FBXL4: variants seen among roughly 807,000 people sequenced by gnomAD.
FBXL4 encodes the protein F-box and leucine rich repeat protein 4.
FBXL4 carries 40 observed loss-of-function variants against 58.9 expected under a neutral mutation model. The observed-to-expected ratio is 0.68, with a 90% CI of 0.53 to 0.88. FBXL4 has a LOEUF of 0.88. Among genes scored for constraint, FBXL4 ranks in the 40% least tolerant of loss-of-function variants. FBXL4 has a pLI of 0.00. For synonymous variants in FBXL4, 263 were observed against 265.5 expected (o/e 0.99, Z 0.09); for missense variants, 676 against 734.4 (o/e 0.92, Z 0.92).
chr6:98,884,875 G>A (rs892368266), intron 7 of FBXL4, among the ~76,000 whole-genome samples: 1 of 152,152 alleles, frequency 6.6e-6, no homozygotes, highest in African/African-American at 2.4e-5. Context: ...AGCGGTTAGA[G>A]TGGTTTGAAA....
chr6:98,905,649 G>A lies in FBXL4; in HGVS notation c.880C>T (p.His294Tyr), dbSNP rs1054028380. 5.0e-6 allele frequency: 8 copies of A among 1,613,494 alleles called. No individual in the cohort carries two copies. The African/African-American group carries it at 1.1e-4, about 22-fold the overall frequency. ...PYELIQLILN[H>Y]LTLPDLCRLA... is the part of the protein sequence containing the mutation. ...CTACACAGGTCTGGTAGTGTAAGAT[G>A]ATTCAGAATCAGCTGAATAAGCTAA... The change falls in exon 6 of 10, where the codon CAT becomes TAT. Residue 294 changes from histidine (H) to tyrosine (Y), a missense_variant. Coordinates refer to ENST00000369244, the MANE Select transcript of FBXL4 (RefSeq NM_001278716.2).
chr6:98,889,826 A>G (rs550610192), intron 7 of FBXL4, among the ~76,000 whole-genome samples: 2 of 152,336 alleles, frequency 1.3e-5, no homozygotes, highest in South Asian at 4.1e-4. Flanking sequence ...TTACTTGTTA[A>G]GAAGAAATTT....
chr6:98,911,401 C>A (rs1429549814), intron 5 of FBXL4, among the ~76,000 whole-genome samples: 1 of 152,178 alleles, frequency 6.6e-6, no homozygotes, highest in East Asian at 1.9e-4. Flanking sequence ...GACCCCTGAC[C>A]CCCAAGCAGC....
intron 4 of FBXL4, among the ~76,000 whole-genome samples, chr6:98,922,267 G>C (rs1159284687): frequency 1.3e-5 from 2 of 152,136 alleles, no homozygotes; most frequent in African/African-American, 4.8e-5. Flanking sequence ...AAGAAATGAG[G>C]AGACTTTAAG....
intron 7 of FBXL4, among the ~76,000 whole-genome samples, chr6:98,887,424 T>C (rs1466509931): frequency 6.6e-6 from 1 of 152,228 alleles, no homozygotes; most frequent in East Asian, 1.9e-4. Context: ...CCTAACAGCA[T>C]ATCCTCCTAA....
chr6:98,899,177 TA>T, intron 7 of FBXL4, 90 bp downstream of exon 7: 1 of 1,537,884 alleles, frequency 6.5e-7, no homozygotes, highest in Non-Finnish European at 8.7e-7. Context: ...GATTTAAAAA[TA>T]AAAAACACAT....
chr6:98,932,265 T>C (rs992258090), intron 2 of FBXL4, among the ~76,000 whole-genome samples: 2 of 152,204 alleles, frequency 1.3e-5, no homozygotes, highest in Non-Finnish European at 2.9e-5. Context: ...GCAATGACTA[T>C]GAAGTGAGAA....
chr6:98,927,210 T>C (rs1772825667), intron 3 of FBXL4, 150 bp from the exon 4 acceptor site: 7 of 472,354 alleles, frequency 1.5e-5, no homozygotes, highest in Non-Finnish European at 2.6e-5. Context: ...AAGTCTGGTA[T>C]AAATAAATTT....
chr6:98,909,092 T>C (rs1771930812), intron 5 of FBXL4, among the ~76,000 whole-genome samples: 1 of 152,240 alleles, frequency 6.6e-6, no homozygotes, highest in Non-Finnish European at 1.5e-5. Flanking sequence ...TTTTACTTTA[T>C]TGTATTTTCC....
rs1165271603 is a variant in FBXL4, at chr6:98,872,040, T to C, written c.*2238A>G. The C allele has an allele frequency of 3.3e-5, 5 of 152,208 alleles. No individual in the cohort carries two copies. The highest frequency in any genetic ancestry group is 7.2e-5 in the African/African-American group (3 of 41,466). 9.4% of individuals were successfully genotyped at this position (152,208 alleles called of 1,614,324 possible). ...AACATAAGTCATTTTGATGACAACA[T>C]TGTTTGAATTACAAGTAACAACAAG... On this transcript the variant is annotated 3_prime_UTR_variant, in exon 10 of 10. Transcript: ENST00000369244.
At chr6:98,910,843 G>A (rs537335687) in intron 5 of FBXL4, among the ~76,000 whole-genome samples, 1 of 152,176 alleles carries the variant, frequency 6.6e-6, no homozygotes, top group Non-Finnish European at 1.5e-5. Flanking sequence ...AGTGGGTGCA[G>A]CGCACCGTGC....
At chr6:98,915,624 A>C (rs1183075755) in intron 5 of FBXL4, among the ~76,000 whole-genome samples, 1 of 152,156 alleles carries the variant, frequency 6.6e-6, no homozygotes, top group Non-Finnish European at 1.5e-5. Flanking sequence ...CATATGTAGA[A>C]AGCTGAAACT....
In FBXL4 at chr6:98,926,584, C is replaced by G. The variant is rs778315780; in HGVS notation, c.405G>C (p.Val135=). ...DYVELTFEQQ[V]YPTAVHVLET... ...CTAGAACATGTACAGCTGTAGGATA[C>G]ACCTGTTGTTCAAAAGTAAGTTCCA... Residue 135 remains valine (V), a synonymous_variant, in exon 4 of 10, where the codon GTG becomes GTC. Coordinates refer to ENST00000369244, the MANE Select transcript of FBXL4 (RefSeq NM_001278716.2). 4 of 1,614,044 alleles carry G rather than the reference C, an allele frequency of 2.5e-6. No homozygotes were observed. The East Asian group carries it at 8.9e-5, about 36-fold the overall frequency.
At chr6:98,924,441 C>T (rs886370590) in intron 4 of FBXL4, among the ~76,000 whole-genome samples, 19 of 152,124 alleles carry the variant, frequency 1.2e-4, no homozygotes, top group African/African-American at 4.6e-4. Context: ...CCTGTAATCC[C>T]AGCCGCTCAG....
intron 7 of FBXL4, among the ~76,000 whole-genome samples, chr6:98,882,940 T>A (rs571496534): frequency 3.4e-4 from 51 of 152,078 alleles, no homozygotes; most frequent in Non-Finnish European, 6.0e-4. Context: ...TATAGAAGAG[T>A]ATTTCTCTAG....
At chr6:98,896,307 C>T (rs1469323753) in intron 7 of FBXL4, among the ~76,000 whole-genome samples, 1 of 152,132 alleles carries the variant, frequency 6.6e-6, no homozygotes, top group Non-Finnish European at 1.5e-5. Flanking sequence ...TGACATAACG[C>T]TTTGCTTAAG....
intron 1 of FBXL4, among the ~76,000 whole-genome samples, chr6:98,947,431 C>T (rs773880047): frequency 3.3e-5 from 5 of 152,242 alleles, no homozygotes; most frequent in Non-Finnish European, 7.3e-5. Flanking sequence ...CACAGGCGGG[C>T]ATGTGGCCGA....
intron 1 of FBXL4, among the ~76,000 whole-genome samples, chr6:98,939,059 G>A (rs1483394806): frequency 9.1e-6 from 1 of 110,438 alleles, no homozygotes; most frequent in Non-Finnish European, 1.7e-5. Flanking sequence ...CTGGGTGACA[G>A]AGCAAGACCT....
At chr6:98,930,611 A>C (rs1279043262) in intron 2 of FBXL4, among the ~76,000 whole-genome samples, 1 of 152,170 alleles carries the variant, frequency 6.6e-6, no homozygotes, top group Non-Finnish European at 1.5e-5. Context: ...CACAAGTATA[A>C]ATTTGTCAAA....
Sources: gnomAD v4.1 joint callset for allele counts (sites outside exome capture counted in the v4.1 genomes callset) on GRCh38, gnomAD v4.1.1 for gene constraint, MANE v1.5 for transcripts, NCBI Gene and HGNC (gene_info 2026-07-23, HGNC 2026-07-21) for gene names.